The following PTBP3 variants were observed in gnomAD, a reference collection of about 807,000 sequenced individuals.
PTBP3 encodes polypyrimidine tract binding protein 3.
PTBP3 carries 20 observed loss-of-function variants against 58.7 expected under a neutral mutation model. That is an observed-to-expected ratio of 0.34 (90% CI 0.24 to 0.50). The LOEUF is 0.50. Ranked by LOEUF, PTBP3 falls within the 20% of genes least tolerant of loss-of-function variation. The probability of loss-of-function intolerance (pLI) is 0.98; values close to 1 mark genes in which losing one functional copy is unlikely to be tolerated. For synonymous variants in PTBP3, 185 were observed against 219.8 expected (o/e 0.84, Z 1.40); for missense variants, 509 against 637.2 (o/e 0.80, Z 2.17).
At chr9:112,328,614 C>T (rs1419850183) in intron 1 of PTBP3, among the ~76,000 whole-genome samples, 1 of 152,176 alleles carries the variant, frequency 6.6e-6, no homozygotes, top group African/African-American at 2.4e-5. Flanking sequence ...AGTTTGAGAC[C>T]AGCCTGGGCA....
At chr9:112,345,152 C>T in the PTBP3 span, among the ~76,000 whole-genome samples, 1 of 151,692 alleles carries the variant, frequency 6.6e-6, no homozygotes, top group Non-Finnish European at 1.5e-5. Flanking sequence ...GAGCTATATA[C>T]TTTAAAATGG....
At chr9:112,352,184 A>G in the PTBP3 span, among the ~76,000 whole-genome samples, 1 of 152,152 alleles carries the variant, frequency 6.6e-6, no homozygotes, top group African/African-American at 2.4e-5. Flanking sequence ...GACTTCCCAA[A>G]GTGCTGAGAT....
At chr9:112,262,746 T>C (rs1042678211) in intron 4 of PTBP3, 147 bp from the exon 5 acceptor site, 3 of 647,078 alleles carry the variant, frequency 4.6e-6, no homozygotes, top group Non-Finnish European at 6.8e-6. Flanking sequence ...ATCCTAAATT[T>C]GTAATCAGTC....
intron 3 of PTBP3, among the ~76,000 whole-genome samples, chr9:112,275,444 A>G (rs528318628): frequency 2.8e-4 from 42 of 152,262 alleles, no homozygotes; most frequent in African/African-American, 9.4e-4. Context: ...CGACAATACT[A>G]TACATTTTTA....
chr9:112,227,364 G>T (rs376581776), intron 12 of PTBP3, 47 bp downstream of exon 12: 3 of 1,565,266 alleles, frequency 1.9e-6, no homozygotes, highest in Non-Finnish European at 1.8e-6. Flanking sequence ...ATCACATATT[G>T]TAGATTATTC....
intron 7 of PTBP3, among the ~76,000 whole-genome samples, chr9:112,249,606 T>C (rs1214520190): frequency 6.6e-6 from 1 of 152,166 alleles, no homozygotes; most frequent in Admixed American, 6.5e-5. Flanking sequence ...AGACATTATT[T>C]TGCAGTGACT....
upstream of PTBP3, among the ~76,000 whole-genome samples, chr9:112,338,594 G>A (rs560995525): frequency 6.6e-6 from 1 of 152,326 alleles, no homozygotes; most frequent in East Asian, 1.9e-4. Context: ...TGGCATGTGA[G>A]TATAATTTAT....
chr9:112,279,365 C>T (rs553906379), intron 2 of PTBP3, among the ~76,000 whole-genome samples: 2 of 152,250 alleles, frequency 1.3e-5, no homozygotes, highest in South Asian at 2.1e-4. Flanking sequence ...ATATCAGTCA[C>T]GCTTCCAAAG....
the PTBP3 span, among the ~76,000 whole-genome samples, chr9:112,359,544 CTGTA>C: frequency 6.6e-6 from 1 of 152,128 alleles, no homozygotes; most frequent in African/African-American, 2.4e-5. Context: ...TGGCTCACAC[CTGTA>C]ATCCCAGCAC....
chr9:112,368,391 G>A, the PTBP3 span, among the ~76,000 whole-genome samples: 3 of 152,192 alleles, frequency 2.0e-5, no homozygotes, highest in South Asian at 2.1e-4. Flanking sequence ...GGTTGGTCTC[G>A]AACTCCTGAC....
rs1030733760 is a variant in PTBP3 at position 112,318,894 on chromosome 9, A to G, written c.-52+14576T>C. The stretch of plus-strand genomic sequence containing the variant: ...TGTAATCCCAGTACTTTGGGAGGCC[A>G]AGGCGGGCAGATCACCTGAGGTCGG... On this transcript the variant is annotated intron_variant, in intron 1 of 13. Transcript: ENST00000374257. Among the ~76,000 whole-genome samples the G allele has an allele frequency of 4.6e-5, 7 of 152,182 alleles. No individual in the cohort carries two copies. In the South Asian group the frequency reaches 1.4e-3, roughly 32 times the overall value.
chr9:112,318,620 C>T (rs1001826614), intron 1 of PTBP3, among the ~76,000 whole-genome samples: 1 of 151,770 alleles, frequency 6.6e-6, no homozygotes, highest in African/African-American at 2.4e-5. Flanking sequence ...CTTAGCTGGG[C>T]ATGGTAGCAC....
the PTBP3 span, among the ~76,000 whole-genome samples, chr9:112,368,121 A>G: frequency 1.3e-5 from 2 of 152,140 alleles, no homozygotes; most frequent in African/African-American, 4.8e-5. Context: ...CAGCCTCTCT[A>G]GTAGCTGGGA....
At chr9:112,253,157 G>A (rs757902948) in intron 5 of PTBP3, among the ~76,000 whole-genome samples, 1 of 152,140 alleles carries the variant, frequency 6.6e-6, no homozygotes, top group Non-Finnish European at 1.5e-5. Flanking sequence ...GATTTCTGTA[G>A]CCACTAGAAG....
chr9:112,379,454 T>C, the PTBP3 span, among the ~76,000 whole-genome samples: 2 of 152,088 alleles, frequency 1.3e-5, no homozygotes, highest in Non-Finnish European at 2.9e-5. Context: ...CTTCTGCAAG[T>C]TCAGCTTTTG....
At chr9:112,276,092 T>A in intron 2 of PTBP3, 79 bp from the exon 3 acceptor site, 1 of 1,340,528 alleles carries the variant, frequency 7.5e-7, no homozygotes, top group Non-Finnish European at 1.0e-6. Flanking sequence ...TTGTCACATT[T>A]AATCCTAAAT....
At chr9:112,246,795 A>G (rs1019593149) in intron 7 of PTBP3, among the ~76,000 whole-genome samples, 1 of 152,216 alleles carries the variant, frequency 6.6e-6, no homozygotes. Context: ...GAATAGTAAC[A>G]TTACAGGGAA....
chr9:112,228,836 A>C (rs1009897686), intron 10 of PTBP3, among the ~76,000 whole-genome samples: 1 of 152,126 alleles, frequency 6.6e-6, no homozygotes, highest in African/African-American at 2.4e-5. Flanking sequence ...CACCCACCCA[A>C]TCAATCACCA....
intron 8 of PTBP3, among the ~76,000 whole-genome samples, chr9:112,233,550 A>G (rs959892817): frequency 6.6e-6 from 1 of 152,160 alleles, no homozygotes; most frequent in African/African-American, 2.4e-5. Flanking sequence ...ATATGTTAAG[A>G]TATACTAAAA....
Sources: gnomAD v4.1 joint callset for allele counts (sites outside exome capture counted in the v4.1 genomes callset) on GRCh38, gnomAD v4.1.1 for gene constraint, MANE v1.5 for transcripts, NCBI Gene and HGNC (gene_info 2026-07-23, HGNC 2026-07-21) for gene names.